The following BET1 variants were observed in gnomAD, a reference collection of about 807,000 sequenced individuals.
BET1 encodes the protein BET1 homolog.
BET1 carries 9 observed loss-of-function variants against 13.9 expected under a neutral mutation model. The observed-to-expected ratio is 0.65, with a 90% CI of 0.39 to 1.13. BET1 has a LOEUF of 1.13. Among genes scored for constraint, BET1 ranks in the 50% most tolerant of loss-of-function variants. The pLI, the probability that BET1 is intolerant of heterozygous loss-of-function variation, is 0.01. For synonymous variants in BET1, 39 were observed against 47.3 expected, an observed-to-expected ratio of 0.82 and a Z score of 0.72; for missense variants, 127 against 133.6, an observed-to-expected ratio of 0.95 and a Z score of 0.24.
At chr7:93,992,040 G>A, downstream of BET1, 2 of 985,374 alleles carry the variant, frequency 2.0e-6, no homozygotes, top group Non-Finnish European at 1.2e-6. Flanking sequence ...GTTTTAGATG[G>A]AAAAAGAGGG....
chr7:93,994,034 AAATGAGTC>A lies in BET1; in HGVS notation c.*188_*195del. On this transcript the variant is annotated 3_prime_UTR_variant, in exon 4 of 4. Coordinates refer to ENST00000222547, the MANE Select transcript of BET1 (RefSeq NM_005868.6). ...TCACTACCCCTGAAAATAGGGGCTA[AAATGAGTC>A]ATTAAGAAACAGTATTCAAAGACCA... 2.0e-6 allele frequency: 3 copies of A among 1,479,432 alleles called. No homozygotes were observed. The highest frequency in any genetic ancestry group is 2.7e-6 in the Non-Finnish European group (3 of 1,123,484). 91.6% of individuals were successfully genotyped at this position (1,479,432 alleles called of 1,614,324 possible).
chr7:93,991,505 C>CA (rs555224602), downstream of BET1, among the ~76,000 whole-genome samples: 47 of 152,296 alleles, frequency 3.1e-4, no homozygotes, highest in African/African-American at 1.1e-3. Flanking sequence ...TCAGTGCTGT[C>CA]ACAATAGTGC....
At chr7:93,974,767 A>G (rs1376354914) in intron 5 of BET1, among the ~76,000 whole-genome samples, 1 of 152,000 alleles carries the variant, frequency 6.6e-6, no homozygotes, top group Non-Finnish European at 1.5e-5. Flanking sequence ...TGTTGGGTAA[A>G]AGTTTGAGGA....
chr7:93,976,519 G>A (rs1050246227), intron 4 of BET1, among the ~76,000 whole-genome samples: 15 of 151,942 alleles, frequency 9.9e-5, no homozygotes, highest in Non-Finnish European at 2.1e-4. Flanking sequence ...CTTGAACGCC[G>A]GCAGGATCTC....
At chr7:93,990,902 ATTACT>A (rs1343664514), downstream of BET1, among the ~76,000 whole-genome samples, 1 of 152,048 alleles carries the variant, frequency 6.6e-6, no homozygotes, top group Non-Finnish European at 1.5e-5. Flanking sequence ...TTAAGGAAAG[ATTACT>A]TTAAGACTTG....
At chr7:93,976,693 C>G (rs777492463) in intron 4 of BET1, among the ~76,000 whole-genome samples, 12 of 151,986 alleles carry the variant, frequency 7.9e-5, no homozygotes, top group Non-Finnish European at 1.5e-4. Context: ...AATTTTATTT[C>G]AATCGTTTTC....
chr7:93,999,097 G>C (rs574628565), intron 2 of BET1, 73 bp downstream of exon 2: 760 of 1,197,080 alleles, frequency 6.3e-4, no homozygotes, highest in Non-Finnish European at 8.1e-4. Context: ...ACGTCAATAA[G>C]AATATATAGT....
chr7:93,973,301 C>T (rs1795287376), intron 5 of BET1, among the ~76,000 whole-genome samples: 1 of 152,008 alleles, frequency 6.6e-6, no homozygotes, highest in South Asian at 2.1e-4. Context: ...CATTTTAGAT[C>T]TCCTATAGCT....
Position 93,996,277 on chromosome 7 carries a change from T to C in BET1, c.189A>G (p.Leu63=), listed in dbSNP as rs1795769142. 1 of 1,578,024 alleles carries C rather than the reference T, an allele frequency of 6.3e-7. No individual in the cohort carries two copies. The highest frequency in any genetic ancestry group is 2.3e-5 in the East Asian group (1 of 43,768). Residue 63 remains leucine, a synonymous_variant, in exon 3 of 4, where the codon TTA becomes TTG. Transcript: ENST00000222547. The part of the protein sequence containing the change: ...IGHEVKTQNK[L]LAEMDSQFDS... ...CATAACCACTTACCATTTCAGCTAA[T>C]AATTTATTCTGGGTTTTAACTTCAT...
chr7:94,003,391 A>G (rs917982879), intron 1 of BET1, among the ~76,000 whole-genome samples: 4 of 152,092 alleles, frequency 2.6e-5, no homozygotes, highest in South Asian at 4.2e-4. Flanking sequence ...GAGAAAGGTA[A>G]TATCTTTTTT....
intron 6 of BET1, among the ~76,000 whole-genome samples, chr7:93,966,672 G>T (rs1441846424): frequency 6.6e-6 from 1 of 151,166 alleles, no homozygotes; most frequent in Admixed American, 6.6e-5. Flanking sequence ...TTTTGGGAAT[G>T]TCATAATTAG....
chr7:93,994,796 G>T (rs1043897790), intron 3 of BET1, among the ~76,000 whole-genome samples: 2 of 152,168 alleles, frequency 1.3e-5, no homozygotes, highest in African/African-American at 4.8e-5. Context: ...CCCAAGTAGA[G>T]GATTTCATCC....
At chr7:93,972,142 T>C (rs568839460) in intron 6 of BET1, among the ~76,000 whole-genome samples, 1 of 151,980 alleles carries the variant, frequency 6.6e-6, no homozygotes, top group East Asian at 1.9e-4. Flanking sequence ...TCATCTGTGA[T>C]TGTATACGAA....
chr7:93,969,015 A>G (rs991107384), intron 6 of BET1, among the ~76,000 whole-genome samples: 5 of 151,832 alleles, frequency 3.3e-5, no homozygotes, highest in African/African-American at 1.2e-4. Flanking sequence ...AAGATGAGAT[A>G]GAAACAGCTA....
chr7:93,975,127 T>G (rs1406577624), intron 5 of BET1, among the ~76,000 whole-genome samples: 1 of 152,012 alleles, frequency 6.6e-6, no homozygotes, highest in Non-Finnish European at 1.5e-5. Flanking sequence ...GAGGAAACCA[T>G]AAAGACATCA....
At position 93,994,173 on chromosome 7, in the gene BET1, A is replaced by T; in HGVS notation, c.*57T>A. On this transcript the variant is annotated 3_prime_UTR_variant, in exon 4 of 4. Coordinates refer to ENST00000222547, the MANE Select transcript of BET1 (RefSeq NM_005868.6). ...GAATGTTTTGATGCTGATTTTTATC[A>T]AAGTGGTACTGCAAGCCATTAAGTT... 6.5e-7 allele frequency: 1 copy of T among 1,538,058 alleles called. No homozygotes were observed. The highest frequency in any genetic ancestry group is 8.7e-7 in the Non-Finnish European group (1 of 1,145,822).
Position 94,004,276 on chromosome 7 carries a change from A to G in BET1, c.-60T>C. ...GGCTTTGGGTGAGTAGGAAACAGCT[A>G]GGGGCGACCCGGACCGCGTCTTCAG... On this transcript the variant is annotated 5_prime_UTR_variant, in exon 1 of 4. Coordinates refer to ENST00000222547, the MANE Select transcript of BET1 (RefSeq NM_005868.6). 1 of 1,611,936 alleles carries G rather than the reference A, an allele frequency of 6.2e-7. No homozygotes were observed. The highest frequency in any genetic ancestry group is 8.5e-7 in the Non-Finnish European group (1 of 1,178,138).
At chr7:93,969,332 C>T (rs1795223991) in intron 6 of BET1, 1 of 151,812 alleles carries the variant, frequency 6.6e-6, no homozygotes, top group Non-Finnish European at 1.5e-5. Flanking sequence ...TCTTTTGTAA[C>T]AGGGTAGTCC....
chr7:93,993,713 A>G lies in BET1; in HGVS notation c.*517T>C, dbSNP rs990642108. On this transcript the variant is annotated 3_prime_UTR_variant, in exon 4 of 4. Coordinates refer to ENST00000222547, the MANE Select transcript of BET1 (RefSeq NM_005868.6). ...ATTATCATCAAAAATTATTAGGAAG[A>G]TTGTAGGTAAAAAGAAATCAGCCTA... 78 of 1,363,822 alleles carry G rather than the reference A, an allele frequency of 5.7e-5. No homozygotes were observed. In the Middle Eastern group the frequency reaches 9.4e-4, roughly 16 times the overall value. 84.5% of individuals were successfully genotyped at this position (1,363,822 alleles called of 1,614,324 possible).
Sources: allele counts gnomAD v4.1 joint callset (sites outside exome capture counted in the v4.1 genomes callset), GRCh38; gene constraint gnomAD v4.1.1; transcripts MANE v1.5; gene names NCBI Gene and HGNC (gene_info 2026-07-23, HGNC 2026-07-21).